Variants in KLHL1 observed in about 807,000 individuals in gnomAD.
The protein encoded by KLHL1 is kelch like family member 1.
KLHL1 carries 47 observed loss-of-function variants against 77.7 expected under a neutral mutation model. That is an observed-to-expected ratio of 0.60 (90% CI 0.48 to 0.77). KLHL1 has a LOEUF of 0.77. KLHL1 is among the 30% of genes least tolerant of loss of function. KLHL1 has a pLI of 0.00. For missense variants in KLHL1, 925 were observed against 910.8 expected, an observed-to-expected ratio of 1.02 and a Z score of -0.20; for synonymous variants, 360 against 325.2, an observed-to-expected ratio of 1.11 and a Z score of -1.15.
At chr13:69,769,617 G>T (rs2137979678) in intron 7 of KLHL1, among the ~76,000 whole-genome samples, 1 of 152,154 alleles carries the variant, frequency 6.6e-6, no homozygotes, top group South Asian at 2.1e-4. Flanking sequence ...ATGAAATGCT[G>T]CCTTTTCCAA....
At chr13:69,859,509 T>C (rs1363426006) in intron 5 of KLHL1, among the ~76,000 whole-genome samples, 1 of 152,006 alleles carries the variant, frequency 6.6e-6, no homozygotes, top group African/African-American at 2.4e-5. Flanking sequence ...TCCTTCCCTC[T>C]AGGATATGCT....
At chr13:69,886,335 A>G (rs1251445432) in intron 4 of KLHL1, among the ~76,000 whole-genome samples, 1 of 151,454 alleles carries the variant, frequency 6.6e-6, no homozygotes, top group Non-Finnish European at 1.5e-5. Context: ...AGCTAAAACA[A>G]TGTAGTTTTG....
intron 2 of KLHL1, 116 bp from the exon 3 acceptor site, chr13:69,961,560 T>C: frequency 1.8e-6 from 2 of 1,082,754 alleles, no homozygotes; most frequent in Non-Finnish European, 2.7e-6. Flanking sequence ...ATTAATGCAT[T>C]TTATTTATTG....
intron 1 of KLHL1, among the ~76,000 whole-genome samples, chr13:70,081,061 A>G (rs1165854833): frequency 6.6e-6 from 1 of 152,138 alleles, no homozygotes; most frequent in Non-Finnish European, 1.5e-5. Flanking sequence ...AATTTTGGGG[A>G]AAAATTATGC....
intron 5 of KLHL1, among the ~76,000 whole-genome samples, chr13:69,865,406 G>A (rs1423343532): frequency 2.6e-5 from 4 of 152,056 alleles, no homozygotes; most frequent in African/African-American, 9.7e-5. Flanking sequence ...ATTTAAAAAG[G>A]TTATAACTAA....
intron 6 of KLHL1, among the ~76,000 whole-genome samples, chr13:69,837,004 G>A (rs1879019085): frequency 6.6e-6 from 1 of 151,908 alleles, no homozygotes; most frequent in Non-Finnish European, 1.5e-5. Flanking sequence ...CTTGGGGATT[G>A]ACTATACGAC....
chr13:70,054,672 C>G (rs1045561626), intron 1 of KLHL1, among the ~76,000 whole-genome samples: 1 of 150,626 alleles, frequency 6.6e-6, no homozygotes, highest in Non-Finnish European at 1.5e-5. Flanking sequence ...CAAGATAACC[C>G]AGAGAAGGAA....
chr13:69,749,333 A>T (rs1439805011), intron 7 of KLHL1, among the ~76,000 whole-genome samples: 2 of 152,014 alleles, frequency 1.3e-5, no homozygotes, highest in Non-Finnish European at 2.9e-5. Context: ...AAGAAAAGAA[A>T]CATCTAAAGT....
chr13:69,977,393 G>A (rs540281592), intron 1 of KLHL1, among the ~76,000 whole-genome samples: 2 of 151,998 alleles, frequency 1.3e-5, no homozygotes, highest in African/African-American at 4.8e-5. Flanking sequence ...AGATTTTGAT[G>A]TGCAAAATTA....
At chr13:69,923,842 C>T (rs1005881353) in intron 4 of KLHL1, among the ~76,000 whole-genome samples, 23 of 152,126 alleles carry the variant, frequency 1.5e-4, no homozygotes, top group Middle Eastern at 6.4e-3. Flanking sequence ...ACTTCCCAGG[C>T]GCAGCTGCAG....
intron 4 of KLHL1, among the ~76,000 whole-genome samples, chr13:69,919,121 A>G (rs9572309): frequency 0.25 from 37,521 of 152,002 alleles, 5,616 homozygotes; most frequent in South Asian, 0.35. Flanking sequence ...CCTGAGGAGC[A>G]GCAACAATCT....
chr13:69,745,714 T>C (rs549547633), intron 7 of KLHL1, among the ~76,000 whole-genome samples: 2 of 151,990 alleles, frequency 1.3e-5, no homozygotes, highest in South Asian at 4.1e-4. Context: ...AGCATAACAA[T>C]GACTATTGAG....
chr13:69,753,315 A>G (rs1236058764), intron 7 of KLHL1, among the ~76,000 whole-genome samples: 1 of 152,200 alleles, frequency 6.6e-6, no homozygotes, highest in African/African-American at 2.4e-5. Flanking sequence ...CAATTGAAGT[A>G]AAAATTTTAT....
chr13:69,797,311 C>G (rs1877153336), intron 6 of KLHL1, among the ~76,000 whole-genome samples: 1 of 152,030 alleles, frequency 6.6e-6, no homozygotes. Context: ...AGCATAATAC[C>G]AGGTTGAAAA....
chr13:69,834,874 A>G (rs1376883437), intron 6 of KLHL1, among the ~76,000 whole-genome samples: 1 of 152,234 alleles, frequency 6.6e-6, no homozygotes, highest in African/African-American at 2.4e-5. Flanking sequence ...TACACTCACT[A>G]TTAGAAGTGT....
intron 1 of KLHL1, among the ~76,000 whole-genome samples, chr13:70,016,226 C>T (rs747548173): frequency 2.0e-5 from 3 of 152,242 alleles, no homozygotes; most frequent in Non-Finnish European, 2.9e-5. Flanking sequence ...TTTGCAGCAG[C>T]CACTGACACA....
intron 3 of KLHL1, among the ~76,000 whole-genome samples, chr13:69,948,598 T>A (rs1257900113): frequency 6.6e-6 from 1 of 151,990 alleles, no homozygotes; most frequent in East Asian, 1.9e-4. Flanking sequence ...CTTCCAAATA[T>A]GTATGAGTAG....
intron 6 of KLHL1, among the ~76,000 whole-genome samples, chr13:69,830,681 T>C (rs758106563): frequency 1.4e-4 from 21 of 150,234 alleles, no homozygotes; most frequent in South Asian, 4.2e-4. Context: ...TTCTCCAAGA[T>C]AGACTGTATG....
intron 4 of KLHL1, among the ~76,000 whole-genome samples, chr13:69,935,754 TA>T (rs1474318935): frequency 5.3e-5 from 8 of 152,212 alleles, no homozygotes; most frequent in African/African-American, 1.7e-4. Context: ...GGGAAAATAA[TA>T]GCAGAAAATG....
Sources: allele counts gnomAD v4.1 joint callset (sites outside exome capture counted in the v4.1 genomes callset), GRCh38; gene constraint gnomAD v4.1.1; transcripts MANE v1.5; gene names NCBI Gene and HGNC (gene_info 2026-07-23, HGNC 2026-07-21).